Variants in FBXL2 observed in about 807,000 individuals in gnomAD.
FBXL2 encodes the protein F-box/LRR-repeat protein 2.
Under a neutral mutation model 69.2 loss-of-function variants are expected in FBXL2, and 38 were observed. That is an observed-to-expected ratio of 0.55 (90% CI 0.42 to 0.72). FBXL2 has a LOEUF of 0.72. Among genes scored for constraint, FBXL2 ranks in the 30% least tolerant of loss-of-function variants. FBXL2 has a pLI of 0.00. For synonymous variants in FBXL2, 192 were observed against 201.3 expected, an observed-to-expected ratio of 0.95 and a Z score of 0.39; for missense variants, 354 against 520.3, an observed-to-expected ratio of 0.68 and a Z score of 3.11.
intron 1 of FBXL2, among the ~76,000 whole-genome samples, chr3:33,296,490 A>G (rs1295459243): frequency 6.6e-6 from 1 of 152,156 alleles, no homozygotes; most frequent in East Asian, 1.9e-4. Flanking sequence ...GTTTTCTTCT[A>G]AGGGTTATAA....
chr3:33,381,428 T>C (rs2043051903), intron 13 of FBXL2, among the ~76,000 whole-genome samples: 1 of 152,152 alleles, frequency 6.6e-6, no homozygotes, highest in African/African-American at 2.4e-5. Context: ...GTGGATCACC[T>C]GAGGTCGGGA....
chr3:33,335,678 A>C (rs1378717843), intron 2 of FBXL2, among the ~76,000 whole-genome samples: 1 of 152,238 alleles, frequency 6.6e-6, no homozygotes, highest in Non-Finnish European at 1.5e-5. Context: ...ATATGCATAA[A>C]TATTTAATTA....
At chr3:33,321,821 C>T (rs536502517) in intron 2 of FBXL2, among the ~76,000 whole-genome samples, 19 of 152,094 alleles carry the variant, frequency 1.2e-4, no homozygotes, top group South Asian at 2.1e-4. Context: ...AGAAAAGGTA[C>T]GGTAAAATTA....
intron 1 of FBXL2, among the ~76,000 whole-genome samples, chr3:33,292,964 C>CA (rs1181149945): frequency 6.6e-6 from 1 of 152,132 alleles, no homozygotes; most frequent in African/African-American, 2.4e-5. Context: ...ACATATGCAC[C>CA]AAACAACAGA....
intron 2 of FBXL2, among the ~76,000 whole-genome samples, chr3:33,324,083 T>A (rs1272064680): frequency 2.6e-5 from 4 of 152,224 alleles, no homozygotes; most frequent in African/African-American, 9.6e-5. Flanking sequence ...TTTCATATGT[T>A]TGTTGGCCAC....
chr3:33,408,905 A>G, the FBXL2 span: 3 of 1,055,788 alleles, frequency 2.8e-6, no homozygotes, highest in African/African-American at 1.6e-5. Context: ...CATGACTAAC[A>G]GGATTCAAAG....
chr3:33,309,223 A>C (rs562297205), intron 2 of FBXL2, among the ~76,000 whole-genome samples: 3 of 152,202 alleles, frequency 2.0e-5, no homozygotes, highest in Middle Eastern at 3.4e-3. Context: ...ACCAGCTGCC[A>C]TTTTTATATT....
At chr3:33,302,087 AT>A (rs1242018396) in intron 2 of FBXL2, among the ~76,000 whole-genome samples, 1 of 152,192 alleles carries the variant, frequency 6.6e-6, no homozygotes, top group African/African-American at 2.4e-5. Flanking sequence ...CGAATATTTA[AT>A]AAATGCTATT....
At chr3:33,400,006 A>G (rs2044160786) in intron 12 of FBXL2, among the ~76,000 whole-genome samples, 1 of 152,258 alleles carries the variant, frequency 6.6e-6, no homozygotes, top group Middle Eastern at 3.2e-3. Context: ...TGGCTTCAAT[A>G]GCATATAATA....
chr3:33,400,930 G>C, intron 12 of FBXL2: 1 of 1,584,368 alleles, frequency 6.3e-7, no homozygotes, highest in Non-Finnish European at 8.6e-7. Context: ...AACCCTGAAA[G>C]CATCAGATAG....
chr3:33,341,862 G>A (rs919727201), intron 2 of FBXL2, among the ~76,000 whole-genome samples: 2 of 149,808 alleles, frequency 1.3e-5, no homozygotes, highest in African/African-American at 4.9e-5. Flanking sequence ...AAAAGGACAG[G>A]TGAAGGCTCT....
At chr3:33,393,534 C>T (rs2043851261) in intron 12 of FBXL2, 8 of 1,392,140 alleles carry the variant, frequency 5.7e-6, no homozygotes, top group Admixed American at 2.6e-5. Flanking sequence ...AGGATCTGTA[C>T]GAAGGTCACA....
At chr3:33,404,742 G>C (rs1234957681), downstream of FBXL2, among the ~76,000 whole-genome samples, 1 of 152,058 alleles carries the variant, frequency 6.6e-6, no homozygotes, top group African/African-American at 2.4e-5. Flanking sequence ...TAATTCAGGA[G>C]GATGGACCTA....
intron 2 of FBXL2, among the ~76,000 whole-genome samples, chr3:33,310,561 G>A (rs2037100832): frequency 6.6e-6 from 1 of 151,994 alleles, no homozygotes; most frequent in South Asian, 2.1e-4. Context: ...TTACCGGTGA[G>A]TTATACTTTC....
At chr3:33,395,643 C>T (rs750379023) in intron 12 of FBXL2, among the ~76,000 whole-genome samples, 4 of 148,804 alleles carry the variant, frequency 2.7e-5, no homozygotes, top group Non-Finnish European at 5.9e-5. Flanking sequence ...CAATGCTGGC[C>T]GAACACTTGT....
chr3:33,344,458 A>T (rs1275449209), intron 2 of FBXL2, among the ~76,000 whole-genome samples: 1 of 152,278 alleles, frequency 6.6e-6, no homozygotes, highest in Middle Eastern at 3.4e-3. Context: ...GCTATATTGG[A>T]ACAATACAAT....
rs542113028 is a variant in FBXL2, at chr3:33,300,866, G to A, written c.65+3141G>A. ...TGGGACTACAGGTGCCCGCCACAAC[G>A]CCCAGCTAATTTTTTTTTTTTTGTA... On this transcript the variant is annotated intron_variant, in intron 2 of 14. Transcript: ENST00000484457. Among the ~76,000 whole-genome samples the A allele has an allele frequency of 3.7e-5, 5 of 136,454 alleles. No individual in the cohort carries two copies. In the East Asian group the frequency reaches 1.1e-3, roughly 31 times the overall value. 89.5% of individuals were successfully genotyped at this position (136,454 alleles called of 152,430 possible).
intron 10 of FBXL2, among the ~76,000 whole-genome samples, chr3:33,376,747 T>G (rs1036986952): frequency 1.3e-5 from 2 of 152,212 alleles, no homozygotes; most frequent in African/African-American, 4.8e-5. Context: ...ATGCCTGTAA[T>G]CCCAGCACTT....
At chr3:33,385,123 CT>C (rs2043336772) in intron 14 of FBXL2, among the ~76,000 whole-genome samples, 1 of 152,134 alleles carries the variant, frequency 6.6e-6, no homozygotes, top group Admixed American at 6.5e-5. Context: ...GGTAAGAGAG[CT>C]TAACAGAATT....
Sources: allele counts gnomAD v4.1 joint callset (sites outside exome capture counted in the v4.1 genomes callset), GRCh38; gene constraint gnomAD v4.1.1; transcripts MANE v1.5; gene names NCBI Gene and HGNC (gene_info 2026-07-23, HGNC 2026-07-21).